Variants in C9 observed in about 807,000 individuals in gnomAD.
The protein encoded by C9 is complement component C9.
A neutral mutation model predicts 65.4 loss-of-function variants in C9; 63 were observed. That is an observed-to-expected ratio of 0.96 (90% CI 0.79 to 1.19). C9 has a LOEUF of 1.19. C9 is among the 50% of genes most tolerant of loss of function. C9 has a pLI of 0.00. For synonymous variants in C9, 229 were observed against 227.9 expected (o/e 1.00, Z -0.04); for missense variants, 744 against 670.1 (o/e 1.11, Z -1.22).
At chr5:39,352,881 G>A (rs1029490943) in intron 1 of C9, among the ~76,000 whole-genome samples, 1 of 150,636 alleles carries the variant, frequency 6.6e-6, no homozygotes, top group Non-Finnish European at 1.5e-5. Context: ...GCAGAATAAC[G>A]ACTCTCAAAG....
intron 8 of C9, among the ~76,000 whole-genome samples, 181 bp from the exon 9 acceptor site, chr5:39,306,973 T>C (rs1165147494): frequency 6.6e-6 from 1 of 152,164 alleles, no homozygotes; most frequent in Admixed American, 6.5e-5. Context: ...ACAATGGAAA[T>C]TTACATTAGT....
At chr5:39,358,169 GA>G (rs1754443841) in intron 1 of C9, among the ~76,000 whole-genome samples, 1 of 152,102 alleles carries the variant, frequency 6.6e-6, no homozygotes, top group Non-Finnish European at 1.5e-5. Context: ...ATGAGCAAAA[GA>G]AATAATTGCT....
At chr5:39,343,388 C>A (rs570600684) in intron 1 of C9, among the ~76,000 whole-genome samples, 1 of 152,346 alleles carries the variant, frequency 6.6e-6, no homozygotes, top group East Asian at 1.9e-4. Flanking sequence ...ATATCCTGCA[C>A]CTGGCTCAGA....
chr5:39,298,998 G>A lies in C9; in HGVS notation c.1416+7619C>T, dbSNP rs373748204. 2.3e-4 allele frequency among the ~76,000 whole-genome samples: 35 copies of A among 151,830 alleles called. No individual in the cohort carries two copies. The East Asian group carries it at 6.4e-3, about 28-fold the overall frequency. On this transcript the variant is annotated intron_variant, in intron 9 of 10. Coordinates refer to ENST00000263408, the MANE Select transcript of C9 (RefSeq NM_001737.5). ...TGGACAAAATTCAACATCTATTTAT[G>A]ACAAAAATTCTGAGCAAACTAGGAA...
At position 39,315,800 on chromosome 5, in the gene C9, A is replaced by G. The variant is rs767908678; in HGVS notation, c.845T>C (p.Leu282Pro). The G allele has an allele frequency of 1.2e-6, 2 of 1,604,268 alleles. No homozygotes were observed. Among genetic ancestry groups the G allele is most frequent in the Admixed American group, 3.3e-5 (2 of 59,960 alleles). ...CTTCTTTGAAGAATATGACAAAAATAGTTGGTAAGTTTCATTTTTGGAATA... is the reference window on the plus strand; with the variant it reads ...CTTCTTTGAAGAATATGACAAAAATGGTTGGTAAGTTTCATTTTTGGAATA... ...FSYSKNETYQLFLSYSSKKEK... is the reference protein window; with the variant it reads ...FSYSKNETYQPFLSYSSKKEK... The change falls in exon 6 of 11, where the codon CTA becomes CCA. Residue 282 changes from leucine to proline, a missense_variant. Coordinates refer to ENST00000263408, the MANE Select transcript of C9 (RefSeq NM_001737.5).
intron 6 of C9, among the ~76,000 whole-genome samples, chr5:39,314,421 C>T (rs140750103): frequency 2.3e-3 from 354 of 151,736 alleles, no homozygotes; most frequent in Non-Finnish European, 4.1e-3. Flanking sequence ...TGTACTGCAG[C>T]CTGGGCAACA....
chr5:39,362,609 T>G (rs773789956), intron 1 of C9, among the ~76,000 whole-genome samples: 5 of 152,112 alleles, frequency 3.3e-5, no homozygotes, highest in Non-Finnish European at 7.4e-5. Context: ...AAACCACATC[T>G]TACAGACGAG....
In C9 at chr5:39,306,305, T is replaced by C. The variant is rs572855808; in HGVS notation, c.1416+312A>G. On this transcript the variant is annotated intron_variant, in intron 9 of 10. Coordinates refer to ENST00000263408, the MANE Select transcript of C9 (RefSeq NM_001737.5). ...TATGTGAGTACCTATCTTGTTACAG[T>C]GTGTGCTGTATGCTCTATATAAGCA... Among the ~76,000 whole-genome samples the C allele has an allele frequency of 8.5e-5, 13 of 152,170 alleles. No homozygotes were observed. The South Asian group carries it at 1.0e-3, about 12-fold the overall frequency.
At chr5:39,360,060 T>G (rs1754487631) in intron 1 of C9, among the ~76,000 whole-genome samples, 1 of 152,198 alleles carries the variant, frequency 6.6e-6, no homozygotes, top group Admixed American at 6.5e-5. Context: ...TTTAAATATC[T>G]TTGGTTTGTT....
At chr5:39,306,486 T>C (rs1327775192) in intron 9 of C9, 131 bp downstream of exon 9, 2 of 766,024 alleles carry the variant, frequency 2.6e-6, no homozygotes, top group Non-Finnish European at 2.2e-6. Flanking sequence ...TGCCTCCTTT[T>C]GGGGAAGAAA....
intron 1 of C9, among the ~76,000 whole-genome samples, chr5:39,356,871 G>A (rs1754421470): frequency 6.6e-6 from 1 of 152,130 alleles, no homozygotes; most frequent in Non-Finnish European, 1.5e-5. Context: ...CTTACCACCT[G>A]CCTATTACCC....
At chr5:39,308,658 G>A (rs1042870585) in intron 7 of C9, among the ~76,000 whole-genome samples, 6 of 152,108 alleles carry the variant, frequency 3.9e-5, no homozygotes, top group Non-Finnish European at 7.4e-5. Flanking sequence ...TCATAGAAAA[G>A]GGACAACAAT....
rs1561354114 is a variant in C9 at position 39,348,987 on chromosome 5, C to T, written c.78-6791G>A. ...ATTGAGCAATGAGAACACTTGGACA[C>T]AGGGTGGGGAACATCACACACTGGG... On this transcript the variant is annotated intron_variant, in intron 1 of 10. Transcript: ENST00000263408. Among the ~76,000 whole-genome samples the T allele has an allele frequency of 8.6e-5, 8 of 93,300 alleles. No homozygotes were observed. In the South Asian group the frequency reaches 1.9e-3, roughly 22 times the overall value. 61.2% of individuals were successfully genotyped at this position (93,300 alleles called of 152,430 possible).
intron 4 of C9, among the ~76,000 whole-genome samples, chr5:39,333,746 C>T (rs1014065377): frequency 6.6e-6 from 1 of 151,738 alleles, no homozygotes; most frequent in African/African-American, 2.4e-5. Context: ...CGAGTGCCTG[C>T]GATTGCAGGC....
At chr5:39,318,435 T>G (rs1343832356) in intron 5 of C9, among the ~76,000 whole-genome samples, 1 of 152,188 alleles carries the variant, frequency 6.6e-6, no homozygotes, top group Non-Finnish European at 1.5e-5. Flanking sequence ...TGTCTTGTGC[T>G]GGTTTTCAAG....
intron 9 of C9, among the ~76,000 whole-genome samples, chr5:39,304,570 TA>T (rs1197463810): frequency 6.6e-6 from 1 of 152,154 alleles, no homozygotes; most frequent in African/African-American, 2.4e-5. Context: ...TTCAGAGACT[TA>T]AAAGTCATAC....
At chr5:39,305,555 T>C (rs1753358941) in intron 9 of C9, among the ~76,000 whole-genome samples, 1 of 151,980 alleles carries the variant, frequency 6.6e-6, no homozygotes, top group African/African-American at 2.4e-5. Context: ...CGGCGAAAAT[T>C]GAAAGTTATA....
At chr5:39,334,782 C>A (rs1279946546) in intron 4 of C9, among the ~76,000 whole-genome samples, 1 of 151,932 alleles carries the variant, frequency 6.6e-6, no homozygotes, top group Non-Finnish European at 1.5e-5. Context: ...AAGTGAGGAG[C>A]CCCTCTGCCC....
intron 9 of C9, among the ~76,000 whole-genome samples, chr5:39,299,116 T>C (rs896418056): frequency 2.6e-5 from 4 of 151,926 alleles, no homozygotes; most frequent in Non-Finnish European, 5.9e-5. Context: ...TTAGATGCAT[T>C]AGACAATGCA....
Sources: allele counts gnomAD v4.1 joint callset (sites outside exome capture counted in the v4.1 genomes callset), GRCh38; gene constraint gnomAD v4.1.1; transcripts MANE v1.5; gene names NCBI Gene and HGNC (gene_info 2026-07-23, HGNC 2026-07-21).